The following GNA12 variants were observed in gnomAD, a reference collection of about 807,000 sequenced individuals.
The protein encoded by GNA12 is G protein subunit alpha 12.
In GNA12, 9 loss-of-function variants were observed where a neutral mutation model predicts 26.0. That is an observed-to-expected ratio of 0.35 (90% CI 0.21 to 0.60). The LOEUF is 0.60. Ranked by LOEUF, GNA12 falls within the 20% of genes least tolerant of loss-of-function variation. The probability of loss-of-function intolerance (pLI) is 0.78; values close to 1 mark genes in which losing one functional copy is unlikely to be tolerated. For missense variants in GNA12, 405 were observed against 525.8 expected (o/e 0.77, Z 2.25); for synonymous variants, 264 against 219.6 (o/e 1.20, Z -1.79).
At chr7:2,737,289 G>GTTTTTTTTTTTT (rs11389467) in intron 2 of GNA12, among the ~76,000 whole-genome samples, 7 of 62,310 alleles carry the variant, frequency 1.1e-4, no homozygotes, top group South Asian at 1.1e-3. Context: ...TTTTTTTTTT[G>GTTTTTTTTTTTT]TTTTTTTTTT....
At chr7:2,838,741 A>G (rs1778907476) in intron 1 of GNA12, among the ~76,000 whole-genome samples, 1 of 152,236 alleles carries the variant, frequency 6.6e-6, no homozygotes, top group South Asian at 2.1e-4. Context: ...ATAAAAACAT[A>G]AGTGGCTATA....
intron 2 of GNA12, among the ~76,000 whole-genome samples, chr7:2,765,609 GTGTT>G (rs942833598): frequency 7.5e-4 from 113 of 150,938 alleles, no homozygotes; most frequent in African/African-American, 2.6e-3. Flanking sequence ...TCTGTATCCT[GTGTT>G]TGTTTTTTTT....
intron 2 of GNA12, among the ~76,000 whole-genome samples, chr7:2,736,806 C>T (rs553465608): frequency 3.9e-5 from 6 of 152,340 alleles, no homozygotes; most frequent in South Asian, 2.1e-4. Flanking sequence ...CAGCCTCGCC[C>T]GTCACCTCTG....
chr7:2,747,646 A>G (rs996949161), intron 2 of GNA12, among the ~76,000 whole-genome samples: 27 of 152,238 alleles, frequency 1.8e-4, no homozygotes, highest in Admixed American at 4.6e-4. Flanking sequence ...CTCCTATTCA[A>G]TATAGTGTTG....
intron 1 of GNA12, among the ~76,000 whole-genome samples, chr7:2,815,992 G>A (rs1299856957): frequency 3.9e-5 from 6 of 152,260 alleles, no homozygotes; most frequent in African/African-American, 1.4e-4. Context: ...CTGGGCCTGC[G>A]TGGAACTGAC....
chr7:2,839,441 T>A lies in GNA12; in HGVS notation c.309+4412A>T. Among the ~76,000 whole-genome samples the A allele has an allele frequency of 3.3e-5, 5 of 152,274 alleles. 1 individual carries two copies. In the South Asian group the frequency reaches 1.0e-3, roughly 32 times the overall value. On this transcript the variant is annotated intron_variant, in intron 1 of 3. Coordinates refer to ENST00000275364, the MANE Select transcript of GNA12 (RefSeq NM_007353.3). The stretch of plus-strand genomic sequence containing the variant: ...CTCTGTCGCCCAGGCTGGAGTACAG[T>A]GGCGTGCTCTCTGTGCACTGCAACC...
In GNA12 at chr7:2,731,298, G is replaced by A. The variant is rs111404280; in HGVS notation, c.1029C>T (p.Ser343=). Residue 343 remains serine (S), a synonymous_variant, in exon 4 of 4, where the codon AGC becomes AGT. Transcript: ENST00000275364. This position sits in a 1 kb window ranked among gnomAD's most constrained non-coding sequence, Gnocchi z 6.0. ...TGGTGAAGTGGTGGAAGAGTGGCTTGCTGCGGTTCCGTCTCTTCCTGTCGA... is the reference window on the plus strand; with the variant it reads ...TGGTGAAGTGGTGGAAGAGTGGCTTACTGCGGTTCCGTCTCTTCCTGTCGA... ...QCFDRKRRNR[S]KPLFHHFTTA... 6.2e-7 allele frequency: 1 copy of A among 1,613,728 alleles called. No homozygotes were observed. The highest frequency in any genetic ancestry group is 8.5e-7 in the Non-Finnish European group (1 of 1,179,882).
intron 2 of GNA12, among the ~76,000 whole-genome samples, chr7:2,746,734 GT>G (rs1465084594): frequency 1.3e-5 from 2 of 152,064 alleles, no homozygotes; most frequent in African/African-American, 4.8e-5. Flanking sequence ...CCAGGAGCTG[GT>G]TTTTTGAAAA....
intron 1 of GNA12, among the ~76,000 whole-genome samples, chr7:2,809,481 CATT>C (rs763323303): frequency 6.6e-6 from 1 of 152,126 alleles, no homozygotes; most frequent in Non-Finnish European, 1.5e-5. Context: ...TCATTATTGA[CATT>C]AATACATAAA....
At chr7:2,735,816 G>A (rs1023922083) in intron 2 of GNA12, among the ~76,000 whole-genome samples, 4 of 152,180 alleles carry the variant, frequency 2.6e-5, no homozygotes, top group South Asian at 4.1e-4. Flanking sequence ...AAACAGCCCA[G>A]GGGGTCCGTG....
intron 2 of GNA12, chr7:2,763,119 CCT>C (rs1791647677): frequency 1.6e-6 from 2 of 1,234,734 alleles, no homozygotes; most frequent in Non-Finnish European, 2.0e-6. Context: ...AAGTCATCTT[CCT>C]CTCTCTTCTC....
At chr7:2,822,682 C>T (rs1051995333) in intron 1 of GNA12, among the ~76,000 whole-genome samples, 1 of 152,150 alleles carries the variant, frequency 6.6e-6, no homozygotes, top group African/African-American at 2.4e-5. Flanking sequence ...CGTGGTGGTG[C>T]GTGCCTGTGG....
At chr7:2,834,036 C>T (rs952431176) in intron 1 of GNA12, among the ~76,000 whole-genome samples, 10 of 152,208 alleles carry the variant, frequency 6.6e-5, no homozygotes, top group Non-Finnish European at 1.3e-4. Flanking sequence ...CTTGGGATTC[C>T]GGATGTCCAA....
intron 1 of GNA12, among the ~76,000 whole-genome samples, chr7:2,795,665 A>T (rs1792648258): frequency 6.6e-6 from 1 of 151,718 alleles, no homozygotes; most frequent in African/African-American, 2.4e-5. Flanking sequence ...AAAAAAAGAA[A>T]ACAGATGTAC....
At chr7:2,750,175 GT>G (rs1203661854) in intron 2 of GNA12, among the ~76,000 whole-genome samples, 1 of 152,146 alleles carries the variant, frequency 6.6e-6, no homozygotes, top group Non-Finnish European at 1.5e-5. Flanking sequence ...CCTGGAAGTC[GT>G]CACTCCCATC....
Position 2,780,068 on chromosome 7 carries a change from A to G in GNA12, c.525+14860T>C, listed in dbSNP as rs1249394951. ...TCTGTGTACATATATATATATATATATATATATATATATATATATATATAT... is the reference window on the plus strand; with the variant it reads ...TCTGTGTACATATATATATATATATGTATATATATATATATATATATATAT... On this transcript the variant is annotated intron_variant, in intron 2 of 3. Coordinates refer to ENST00000275364, the MANE Select transcript of GNA12 (RefSeq NM_007353.3). Among the ~76,000 whole-genome samples the G allele has an allele frequency of 8.6e-4, 108 of 125,508 alleles. 3 individuals are homozygous for G. The highest frequency in any genetic ancestry group is 3.9e-3 in the Middle Eastern group (1 of 254). The allele number at this position is 125,508 out of a possible 152,430, so 82.3% of individuals were successfully genotyped here.
Position 2,843,916 on chromosome 7 carries a change from G to A in GNA12, c.246C>T (p.Gly82=), listed in dbSNP as rs1163354504. Residue 82 remains glycine, a synonymous_variant, in exon 1 of 4, where the codon GGC becomes GGT. Transcript: ENST00000275364. ...GCAGCGCCTTCTGGTCGAACTCGCG[G>A]CCGTGGATGATGCGCATCTGCTTGA... ...TFLKQMRIIH[G]REFDQKALLE... is the part of the protein sequence containing the mutation. The A allele has an allele frequency of 6.3e-7, 1 of 1,588,234 alleles. No individual in the cohort carries two copies.
chr7:2,834,879 G>C (rs1204628317), intron 1 of GNA12, among the ~76,000 whole-genome samples: 1 of 152,066 alleles, frequency 6.6e-6, no homozygotes, highest in Non-Finnish European at 1.5e-5. Context: ...GTCCACTCTA[G>C]GATGTTTGCG....
At chr7:2,769,127 C>T (rs1186346205) in intron 2 of GNA12, among the ~76,000 whole-genome samples, 1 of 152,120 alleles carries the variant, frequency 6.6e-6, no homozygotes, top group Non-Finnish European at 1.5e-5. Flanking sequence ...TGGTCTCGAA[C>T]TCCTAACCTC....
Sources: allele counts gnomAD v4.1 joint callset (sites outside exome capture counted in the v4.1 genomes callset), GRCh38; gene constraint gnomAD v4.1.1; non-coding constraint Gnocchi (gnomAD v3.1); transcripts MANE v1.5; gene names NCBI Gene and HGNC (gene_info 2026-07-23, HGNC 2026-07-21).